Variants in RASA3 observed in about 807,000 individuals in gnomAD.
RASA3 encodes RAS p21 protein activator 3.
RASA3 carries 73 observed loss-of-function variants against 110.0 expected under a neutral mutation model. The ratio of observed to expected loss-of-function variants is 0.66; its 90% CI spans 0.55 to 0.81. RASA3 has a LOEUF of 0.81. Ranked by LOEUF, RASA3 falls within the 30% of genes least tolerant of loss-of-function variation. The probability of loss-of-function intolerance (pLI) is 0.00; values close to 1 mark genes in which losing one functional copy is unlikely to be tolerated. For missense variants in RASA3, 976 were observed against 1,113.2 expected, an observed-to-expected ratio of 0.88 and a Z score of 1.75; for synonymous variants, 500 against 451.4, an observed-to-expected ratio of 1.11 and a Z score of -1.37.
intron 18 of RASA3, among the ~76,000 whole-genome samples, chr13:114,002,755 G>C (rs1322114819): frequency 6.6e-6 from 1 of 152,200 alleles, no homozygotes; most frequent in African/African-American, 2.4e-5. Flanking sequence ...CACAGCTCTG[G>C]TCTGGGCGCC....
rs1406098243 is a variant in RASA3, at chr13:114,065,582, C to T, written c.173+8138G>A. On this transcript the variant is annotated intron_variant, in intron 2 of 23. Transcript: ENST00000334062. The surrounding 1 kb of genome is among the most constrained non-coding windows in gnomAD (Gnocchi z 4.1). ...CTCCATCTCCGCAAAGGACAGGAGG[C>T]AAAACACACCCATCAGAAGCACATG... is the stretch of plus-strand genomic sequence containing the variant. 6.6e-6 allele frequency among the ~76,000 whole-genome samples: 1 copy of T among 152,170 alleles called. No individual in the cohort carries two copies. The highest frequency in any genetic ancestry group is 1.5e-5 in the Non-Finnish European group (1 of 68,018).
intron 1 of RASA3, among the ~76,000 whole-genome samples, chr13:114,130,779 G>A (rs2080507362): frequency 6.6e-6 from 1 of 152,146 alleles, no homozygotes; most frequent in African/African-American, 2.4e-5. Flanking sequence ...GGCCGCCTCT[G>A]CCTGCTGCCT....
chr13:113,999,317 C>T (rs114721754), intron 20 of RASA3, among the ~76,000 whole-genome samples: 80 of 152,302 alleles, frequency 5.3e-4, no homozygotes, highest in African/African-American at 1.7e-3. Context: ...CTGCGGGGGA[C>T]GCCACCTGAA....
rs575958394 is a variant in RASA3 at position 114,027,864 on chromosome 13, C to T, written c.513G>A (p.Thr171=). 20 of 1,613,934 alleles carry T rather than the reference C, an allele frequency of 1.2e-5. No individual in the cohort carries two copies. The highest frequency in any genetic ancestry group is 4.0e-5 in the African/African-American group (3 of 75,024). The part of the protein sequence containing the change: ...NGQCDPYATV[T]LAGPFRSEAK... ...CAACTTGCCTGAAGGGTCCTGCCAGCGTCACGGTGGCGTAGGGGTCACATT... is the reference window on the plus strand; with the variant it reads ...CAACTTGCCTGAAGGGTCCTGCCAGTGTCACGGTGGCGTAGGGGTCACATT... The change falls in exon 6 of 24, where the codon ACG becomes ACA. Residue 171 remains threonine, a synonymous_variant. Transcript: ENST00000334062.
At chr13:113,982,768 AACCCT>A (rs1194136753) in intron 22 of RASA3, among the ~76,000 whole-genome samples, 1 of 152,248 alleles carries the variant, frequency 6.6e-6, no homozygotes, top group Non-Finnish European at 1.5e-5. Flanking sequence ...GTGAGGGTGG[AACCCT>A]TGTGCAGGGG....
At chr13:114,027,688 T>C (rs570513307) in intron 6 of RASA3, among the ~76,000 whole-genome samples, 159 bp downstream of exon 6, 1 of 152,262 alleles carries the variant, frequency 6.6e-6, no homozygotes, top group East Asian at 1.9e-4. Context: ...CAAAGCAATT[T>C]TGGAGCAATA....
chr13:114,132,187 C>T (rs902146810), intron 1 of RASA3, among the ~76,000 whole-genome samples: 1 of 152,198 alleles, frequency 6.6e-6, no homozygotes, highest in Non-Finnish European at 1.5e-5. Flanking sequence ...ACCGGGGCCG[C>T]TCCGGGCGCA....
chr13:114,070,088 T>C (rs1406648761), intron 2 of RASA3, among the ~76,000 whole-genome samples: 1 of 34,422 alleles, frequency 2.9e-5, no homozygotes, highest in African/African-American at 1.3e-4. Flanking sequence ...CCGGGAGACT[T>C]GGGGGGACCG....
Position 114,059,976 on chromosome 13 carries a change from C to T in RASA3, c.174-7821G>A, listed in dbSNP as rs1233097224. Among the ~76,000 whole-genome samples, 6 of 152,228 alleles carry T rather than the reference C, an allele frequency of 3.9e-5. 1 individual carries two copies. Among genetic ancestry groups the T allele is most frequent in the Admixed American group, 6.5e-5 (1 of 15,286 alleles). ...GCGGGGGCAGCACTGTGGCCTCGCTCGGGGGACAGGGAGGCTTACGGACGA... is the reference window on the plus strand; with the variant it reads ...GCGGGGGCAGCACTGTGGCCTCGCTTGGGGGACAGGGAGGCTTACGGACGA... On this transcript the variant is annotated intron_variant, in intron 2 of 23. Transcript: ENST00000334062.
At chr13:114,054,854 A>T (rs2079210859) in intron 2 of RASA3, among the ~76,000 whole-genome samples, 1 of 152,242 alleles carries the variant, frequency 6.6e-6, no homozygotes, top group Non-Finnish European at 1.5e-5. Context: ...TTGGTCGTTG[A>T]CGCAGCGAGC....
intron 1 of RASA3, among the ~76,000 whole-genome samples, chr13:114,116,932 G>A (rs2080286566): frequency 7.0e-6 from 1 of 143,372 alleles, no homozygotes; most frequent in Non-Finnish European, 1.5e-5. Context: ...GAGCACGTGT[G>A]TGAGGGGAGC....
intron 1 of RASA3, among the ~76,000 whole-genome samples, chr13:114,131,250 C>G (rs1418358779): frequency 6.6e-6 from 1 of 152,198 alleles, no homozygotes; most frequent in Non-Finnish European, 1.5e-5. Context: ...TCAGCCCGTT[C>G]CCGGAGGCCT....
intron 1 of RASA3, among the ~76,000 whole-genome samples, chr13:114,088,106 G>C (rs1442023999): frequency 6.9e-6 from 1 of 145,792 alleles, no homozygotes; most frequent in African/African-American, 2.6e-5. Flanking sequence ...ACTCCAGCCT[G>C]GATGACAGAG....
At chr13:114,079,067 C>T (rs1594433976) in intron 1 of RASA3, among the ~76,000 whole-genome samples, 1 of 152,214 alleles carries the variant, frequency 6.6e-6, no homozygotes, top group Admixed American at 6.5e-5. Flanking sequence ...CTCAGCTCAG[C>T]GCCCAGTGAA....
At chr13:114,123,760 GGAGCCACGGCCCCCATGC>G (rs2080410335) in intron 1 of RASA3, among the ~76,000 whole-genome samples, 1 of 152,244 alleles carries the variant, frequency 6.6e-6, no homozygotes, top group Non-Finnish European at 1.5e-5. Context: ...TGCGGGGCTG[GGAGCCACGGCCCCCATGC>G]AGGTCCTAAG....
intron 2 of RASA3, 137 bp downstream of exon 2, chr13:114,073,583 G>T: frequency 1.3e-6 from 1 of 749,672 alleles, no homozygotes; most frequent in Non-Finnish European, 2.3e-6. Context: ...CCCTACATGC[G>T]GGAAAACGGG....
chr13:114,052,155 G>C lies in RASA3; in HGVS notation c.174C>G (p.Cys58Trp). 2 of 1,608,274 alleles carry C rather than the reference G, an allele frequency of 1.2e-6. No individual in the cohort carries two copies. The highest frequency in any genetic ancestry group is 1.7e-6 in the Non-Finnish European group (2 of 1,175,586). The stretch of plus-strand genomic sequence containing the variant: ...AGTAAAAGTCTTCTCCGTAAAACGG[G>C]CTAGTGAGACAAAGAAAAGCGCCAG... ...FRTKIVEKSL[C>W]PFYGEDFYCE... is the part of the protein sequence containing the mutation. The change falls in exon 3 of 24, where the codon TGC becomes TGG. Residue 58 changes from cysteine to tryptophan, a missense_variant and splice_region_variant. Coordinates refer to ENST00000334062, the MANE Select transcript of RASA3 (RefSeq NM_007368.4).
intron 23 of RASA3, among the ~76,000 whole-genome samples, chr13:113,980,552 C>T (rs892855101): frequency 7.9e-5 from 12 of 152,268 alleles, no homozygotes; most frequent in Non-Finnish European, 1.3e-4. Context: ...CAGCATCATG[C>T]TTCGCGCATT....
At chr13:114,088,645 A>G (rs1041010132) in intron 1 of RASA3, among the ~76,000 whole-genome samples, 3 of 151,408 alleles carry the variant, frequency 2.0e-5, no homozygotes, top group Non-Finnish European at 2.9e-5. Flanking sequence ...TCCGCCTCCC[A>G]GGTTCAAACA....
Sources: gnomAD v4.1 joint callset for allele counts (sites outside exome capture counted in the v4.1 genomes callset) on GRCh38, gnomAD v4.1.1 for gene constraint, Gnocchi (gnomAD v3.1) non-coding constraint, MANE v1.5 for transcripts, NCBI Gene and HGNC (gene_info 2026-07-23, HGNC 2026-07-21) for gene names.